The following MED1 variants were observed in gnomAD, a reference collection of about 807,000 sequenced individuals.
The protein encoded by MED1 is mediator complex subunit 1.
Under a neutral mutation model 121.3 loss-of-function variants are expected in MED1, and 17 were observed. That is an observed-to-expected ratio of 0.14 (90% CI 0.10 to 0.21). The LOEUF is 0.21. MED1 is among the 10% of genes least tolerant of loss of function. The probability of loss-of-function intolerance (pLI) is 1.00; values close to 1 mark genes in which losing one functional copy is unlikely to be tolerated. For missense variants in MED1, 1,558 were observed against 1,919.4 expected (o/e 0.81, Z 3.52); for synonymous variants, 661 against 694.4 (o/e 0.95, Z 0.76).
Position 39,447,881 on chromosome 17 carries a change from T to G in MED1, c.49A>C (p.Ser17Arg). 1.2e-6 allele frequency: 2 copies of G among 1,612,348 alleles called. No individual in the cohort carries two copies. Among genetic ancestry groups the G allele is most frequent in the Middle Eastern group, 3.3e-4 (2 of 6,056 alleles). Residue 17 changes from serine to arginine, a missense_variant, in exon 2 of 17, where the codon AGT (serine) becomes CGT (arginine). Coordinates refer to ENST00000300651, the MANE Select transcript of MED1 (RefSeq NM_004774.4). ...GCATGGAGCCGTTCCAGGAGAGAAC[T>G]CATCTTACTCAGCTTTTCTGACTCT... Reference protein sequence around the residue: ...TEESEKLSKMSSLLERLHAKF... With the variant: ...TEESEKLSKMRSLLERLHAKF...
At chr17:39,436,772 TTATTA>T (rs1022414700) in intron 6 of MED1, among the ~76,000 whole-genome samples, 2 of 152,030 alleles carry the variant, frequency 1.3e-5, no homozygotes, top group African/African-American at 4.8e-5. Flanking sequence ...ACATAATTCT[TTATTA>T]TTTTTTTTTT....
chr17:39,410,192 G>C lies in MED1; in HGVS notation c.2029C>G (p.Arg677Gly). The C allele has an allele frequency of 6.2e-7, 1 of 1,614,034 alleles. No individual in the cohort carries two copies. The highest frequency in any genetic ancestry group is 8.5e-7 in the Non-Finnish European group (1 of 1,180,010). Residue 677 changes from arginine to glycine, a missense_variant, in exon 17 of 17, where the codon CGC (arginine) becomes GGC (glycine). Physicochemically the swap from Arg to Gly is moderately radical, Grantham distance 125 (BLOSUM62 -2). Coordinates refer to ENST00000300651, the MANE Select transcript of MED1 (RefSeq NM_004774.4). ...ERQNSSSGSP[R>G]MEICSGSNKT... is the part of the protein sequence containing the mutation. ...TTGCTCCCCGAGCATATTTCCATGC[G>C]GGGTGAGCCGGAAGAGGAGTTCTGC...
intron 6 of MED1, among the ~76,000 whole-genome samples, chr17:39,434,620 A>G (rs2048601068): frequency 6.6e-6 from 1 of 152,012 alleles, no homozygotes; most frequent in Non-Finnish European, 1.5e-5. Flanking sequence ...AAGCAATGAA[A>G]CCTGATTTAA....
At chr17:39,419,941 G>A (rs779287822) in intron 13 of MED1, 23 bp from the exon 14 acceptor site, 82 of 1,604,288 alleles carry the variant, frequency 5.1e-5, no homozygotes, top group East Asian at 3.3e-4. Flanking sequence ...AACAGTTAAC[G>A]AGTGCTATTT....
intron 7 of MED1, among the ~76,000 whole-genome samples, chr17:39,432,703 G>A (rs929487497): frequency 2.0e-5 from 3 of 150,840 alleles, no homozygotes; most frequent in Admixed American, 6.6e-5. Flanking sequence ...GCAGTGAACC[G>A]AGATCATGCC....
At chr17:39,432,203 C>T (rs1322400129) in intron 7 of MED1, among the ~76,000 whole-genome samples, 187 bp from the exon 8 acceptor site, 1 of 151,428 alleles carries the variant, frequency 6.6e-6, no homozygotes, top group African/African-American at 2.4e-5. Context: ...ATTAGCCGAG[C>T]GTGGTGGCAG....
At chr17:39,428,530 G>A (rs550974738) in intron 9 of MED1, among the ~76,000 whole-genome samples, 28 of 151,976 alleles carry the variant, frequency 1.8e-4, no homozygotes, top group Admixed American at 9.2e-4. Context: ...GTGAGTGCCC[G>A]TAGTCCCAGC....
intron 13 of MED1, among the ~76,000 whole-genome samples, chr17:39,422,469 GT>G (rs750032186): frequency 5.8e-3 from 430 of 74,364 alleles, no homozygotes; most frequent in African/African-American, 9.9e-3. Flanking sequence ...GCCCAGCCTC[GT>G]TTTTTTTTTT....
intron 6 of MED1, among the ~76,000 whole-genome samples, chr17:39,436,416 T>C (rs1357353807): frequency 1.3e-5 from 2 of 151,226 alleles, no homozygotes; most frequent in Non-Finnish European, 3.0e-5. Flanking sequence ...ACACAACTTA[T>C]TTCCTCAATG....
intron 6 of MED1, 87 bp from the exon 7 acceptor site, chr17:39,434,407 C>T (rs1471836209): frequency 1.5e-6 from 1 of 668,116 alleles, no homozygotes; most frequent in Admixed American, 3.3e-5. Flanking sequence ...CCAAAAATCA[C>T]AGCTATATAA....
Position 39,409,147 on chromosome 17 carries a change from C to G in MED1, c.3074G>C (p.Ser1025Thr), listed in dbSNP as rs147785377. 2 of 1,614,158 alleles carry G rather than the reference C, an allele frequency of 1.2e-6. No homozygotes were observed. Among genetic ancestry groups the G allele is most frequent in the Admixed American group, 3.3e-5 (2 of 60,016 alleles). ...TGGGGTAAAAGGTCTGTTAGAAGAACTATGAGATGGAGACTTTCCCTCAGT... is the reference window on the plus strand; with the variant it reads ...TGGGGTAAAAGGTCTGTTAGAAGAAGTATGAGATGGAGACTTTCCCTCAGT... The part of the protein sequence containing the change: ...ADTEGKSPSH[S>T]SSNRPFTPPT... Residue 1025 changes from serine (S) to threonine (T), a missense_variant, in exon 17 of 17, where the codon AGT becomes ACT. By Grantham distance (58) the Ser-to-Thr change is moderately conservative. Transcript: ENST00000300651.
chr17:39,413,283 G>A (rs565264857), intron 16 of MED1, among the ~76,000 whole-genome samples: 57 of 152,124 alleles, frequency 3.7e-4, no homozygotes, highest in Non-Finnish European at 6.3e-4. Flanking sequence ...TTTGTTTTGA[G>A]ACAGAATCTC....
rs189699543 is a variant in MED1 at position 39,406,841 on chromosome 17, C to T, written c.*634G>A. 127 of 985,344 alleles carry T rather than the reference C, an allele frequency of 1.3e-4. No homozygotes were observed. The Admixed American group carries it at 1.7e-3, about 13-fold the overall frequency. The allele number at this position is 985,344 out of a possible 1,614,324, so 61.0% of individuals were successfully genotyped here. ...AACCCTAAACCTCATAGATTTAGAACGAAACACTGTATAAAAACAAACAGA... is the reference window on the plus strand; with the variant it reads ...AACCCTAAACCTCATAGATTTAGAATGAAACACTGTATAAAAACAAACAGA... On this transcript the variant is annotated 3_prime_UTR_variant, in exon 17 of 17. Transcript: ENST00000300651.
chr17:39,423,147 G>A (rs963227779), intron 13 of MED1, among the ~76,000 whole-genome samples, 180 bp downstream of exon 13: 2 of 152,062 alleles, frequency 1.3e-5, no homozygotes, highest in Non-Finnish European at 2.9e-5. Flanking sequence ...TTACAGGTGT[G>A]AGCCACCGCG....
In MED1 at chr17:39,424,674, G is replaced by T; in HGVS notation, c.804C>A (p.Leu268=). The T allele has an allele frequency of 6.2e-7, 1 of 1,610,198 alleles. No homozygotes were observed. Among genetic ancestry groups the T allele is most frequent in the African/African-American group, 1.3e-5 (1 of 74,920 alleles). ...ACCCCATAATTAATGGTGCAATTGGGAGTTTGTACACAGCAGATGTTCCTT... is the reference window on the plus strand; with the variant it reads ...ACCCCATAATTAATGGTGCAATTGGTAGTTTGTACACAGCAGATGTTCCTT... The part of the protein sequence containing the change: ...TIEGTSAVYK[L]PIAPLIMGSH... Residue 268 remains leucine (L), a synonymous_variant, in exon 11 of 17, where the codon CTC becomes CTA. Transcript: ENST00000300651.
chr17:39,410,649 T>C lies in MED1; in HGVS notation c.1572A>G (p.Ala524=), dbSNP rs1232925255. 1 of 1,614,182 alleles carries C rather than the reference T, an allele frequency of 6.2e-7. No homozygotes were observed. The change falls in exon 17 of 17, where the codon GCA becomes GCG. Residue 524 remains alanine, a synonymous_variant. Coordinates refer to ENST00000300651, the MANE Select transcript of MED1 (RefSeq NM_004774.4). ...KAETIQADTP[A]LSLIAETVED... is the part of the protein sequence containing the mutation. ...CAACTGTCTCTGCAATGAGGGACAG[T>C]GCTGGGGTGTCGGCTTGAATGGTTT...
In MED1 at chr17:39,407,033, A is replaced by G. The variant is rs1471622250; in HGVS notation, c.*442T>C. The G allele has an allele frequency of 4.0e-6, 4 of 987,696 alleles. No individual in the cohort carries two copies. The African/African-American group carries it at 7.0e-5, about 17-fold the overall frequency. The allele number at this position is 987,696 out of a possible 1,614,324, so 61.2% of individuals were successfully genotyped here. ...CCTCAAACAAAGTTGAACAACCTTC[A>G]TGCAAATGCATCAAGGAATGTATTG... On this transcript the variant is annotated 3_prime_UTR_variant, in exon 17 of 17. Transcript: ENST00000300651.
At chr17:39,414,633 CCTTTTTTTTT>C (rs2048389081) in intron 16 of MED1, among the ~76,000 whole-genome samples, 3 of 113,450 alleles carry the variant, frequency 2.6e-5, no homozygotes, top group Non-Finnish European at 5.2e-5. Context: ...CCAGGCCCGG[CCTTTTTTTTT>C]TTTTTTTTTT....
intron 13 of MED1, among the ~76,000 whole-genome samples, chr17:39,421,113 G>T (rs1169929744): frequency 6.7e-6 from 1 of 149,938 alleles, no homozygotes; most frequent in Non-Finnish European, 1.5e-5. Context: ...CCTAATTTTT[G>T]TATTTTTTTT....
Sources: allele counts gnomAD v4.1 joint callset (sites outside exome capture counted in the v4.1 genomes callset), GRCh38; gene constraint gnomAD v4.1.1; transcripts MANE v1.5; gene names NCBI Gene and HGNC (gene_info 2026-07-23, HGNC 2026-07-21).